ASB4: variants seen among roughly 807,000 people sequenced by gnomAD.
The protein encoded by ASB4 is ankyrin repeat and SOCS box protein 4.
In ASB4, 35 loss-of-function variants were observed where a neutral mutation model predicts 38.6. The observed-to-expected ratio is 0.91, with a 90% CI of 0.69 to 1.20. The LOEUF (loss-of-function observed/expected upper bound fraction) is 1.20, where lower values mean the gene tolerates loss of function less well. Among genes scored for constraint, ASB4 ranks in the 50% most tolerant of loss-of-function variants. ASB4 has a pLI of 0.00. For synonymous variants in ASB4, 195 were observed against 201.3 expected, an observed-to-expected ratio of 0.97 and a Z score of 0.26; for missense variants, 557 against 527.2, an observed-to-expected ratio of 1.06 and a Z score of -0.55.
intron 2 of ASB4, among the ~76,000 whole-genome samples, 185 bp from the exon 3 acceptor site, chr7:95,527,628 C>A (rs1457987440): frequency 6.6e-6 from 1 of 152,132 alleles, no homozygotes; most frequent in Non-Finnish European, 1.5e-5. Flanking sequence ...GGCACTGTTG[C>A]TTCAAGGGAA....
At chr7:95,509,829 T>G (rs1261582648) in intron 2 of ASB4, among the ~76,000 whole-genome samples, 1 of 152,172 alleles carries the variant, frequency 6.6e-6, no homozygotes, top group Admixed American at 6.5e-5. Context: ...CACATTATTC[T>G]CCTTATTTAA....
At chr7:95,486,946 G>A (rs1170931777) in intron 1 of ASB4, among the ~76,000 whole-genome samples, 1 of 152,178 alleles carries the variant, frequency 6.6e-6, no homozygotes, top group Non-Finnish European at 1.5e-5. Context: ...GGGGGAACGT[G>A]AGTAGTTAGA....
chr7:95,510,008 T>C (rs1379395591), intron 2 of ASB4, among the ~76,000 whole-genome samples: 1 of 152,086 alleles, frequency 6.6e-6, no homozygotes, highest in Non-Finnish European at 1.5e-5. Flanking sequence ...ATTAAAAAAT[T>C]AGGAGAAAAG....
downstream of ASB4, among the ~76,000 whole-genome samples, chr7:95,544,874 T>C (rs539361774): frequency 1.3e-5 from 2 of 152,050 alleles, no homozygotes; most frequent in East Asian, 1.9e-4. Flanking sequence ...TTTCTATTTT[T>C]TGATAGACAG....
chr7:95,498,491 A>C (rs1002506551), intron 2 of ASB4, among the ~76,000 whole-genome samples: 4 of 152,104 alleles, frequency 2.6e-5, no homozygotes, highest in Non-Finnish European at 5.9e-5. Context: ...TCTGTATATT[A>C]TTTACTTTGG....
At chr7:95,483,182 G>A (rs76557686), upstream of ASB4, among the ~76,000 whole-genome samples, 698 of 152,270 alleles carry the variant, frequency 4.6e-3, 4 homozygotes, top group African/African-American at 0.016. Flanking sequence ...AGGGTCCAGA[G>A]GACAATGAGT....
chr7:95,515,242 TCTTTCTTTCC>T (rs1790552981), intron 2 of ASB4, among the ~76,000 whole-genome samples: 3 of 145,300 alleles, frequency 2.1e-5, no homozygotes, highest in East Asian at 2.0e-4. Flanking sequence ...TTTCTTTCTT[TCTTTCTTTCC>T]TTCTTTCTTT....
chr7:95,542,058 C>A (rs1030535851), downstream of ASB4: 2 of 150,952 alleles, frequency 1.3e-5, no homozygotes, highest in African/African-American at 4.9e-5. Context: ...CAGAGTGAGA[C>A]CTTGACTGTA....
intron 2 of ASB4, among the ~76,000 whole-genome samples, chr7:95,503,241 C>T (rs750675982): frequency 2.0e-5 from 3 of 152,020 alleles, no homozygotes; most frequent in African/African-American, 4.8e-5. Context: ...AATAAGAAAA[C>T]AAACCTGTGA....
At chr7:95,518,923 A>G (rs955334006) in intron 2 of ASB4, among the ~76,000 whole-genome samples, 2 of 152,212 alleles carry the variant, frequency 1.3e-5, no homozygotes, top group African/African-American at 4.8e-5. Flanking sequence ...GGAGTTAGTA[A>G]GATTATAGAT....
rs954842496 is a variant in ASB4 at position 95,512,770 on chromosome 7, C to G, written c.488-15043C>G. Among the ~76,000 whole-genome samples the G allele has an allele frequency of 2.0e-5, 3 of 152,024 alleles. No individual in the cohort carries two copies. The South Asian group carries it at 6.3e-4, about 32-fold the overall frequency. On this transcript the variant is annotated intron_variant, in intron 2 of 4. Coordinates refer to ENST00000325885, the MANE Select transcript of ASB4 (RefSeq NM_016116.3). ...GAAGGGGAACTCACATTTGGTGCAG[C>G]AAGAACTCCATTTAGCCCTGTGTAC...
intron 2 of ASB4, among the ~76,000 whole-genome samples, chr7:95,515,172 TCTTTCTTTCTTTCTTTCTTTC>T (rs1562816906): frequency 2.2e-5 from 1 of 46,164 alleles, no homozygotes; most frequent in African/African-American, 9.3e-5. Context: ...TCTTTCTCTT[TCTTTCTTTCTTTCTTTCTTTC>T]TTTCTTTCTT....
chr7:95,526,133 A>G (rs1790733040), intron 2 of ASB4, among the ~76,000 whole-genome samples: 1 of 152,244 alleles, frequency 6.6e-6, no homozygotes, highest in South Asian at 2.1e-4. Flanking sequence ...CAGAAAAGTA[A>G]TATGAGGTGG....
chr7:95,528,427 T>G, intron 3 of ASB4, 124 bp downstream of exon 3: 1 of 1,524,530 alleles, frequency 6.6e-7, no homozygotes, highest in South Asian at 1.3e-5. Context: ...TGATCCTCTT[T>G]GACCTTCCAT....
At chr7:95,501,455 C>T (rs946148370) in intron 2 of ASB4, among the ~76,000 whole-genome samples, 10 of 152,210 alleles carry the variant, frequency 6.6e-5, no homozygotes, top group Admixed American at 6.5e-4. Flanking sequence ...GCCTGCTGGA[C>T]AGACGCTGCT....
At chr7:95,520,447 T>C (rs562089935) in intron 2 of ASB4, among the ~76,000 whole-genome samples, 2 of 152,212 alleles carry the variant, frequency 1.3e-5, no homozygotes, top group Admixed American at 6.5e-5. Context: ...TCAGATCTCA[T>C]AGAAGGCTTG....
chr7:95,509,690 C>T (rs73711335), intron 2 of ASB4, among the ~76,000 whole-genome samples: 2,546 of 151,948 alleles, frequency 0.017, 65 homozygotes, highest in African/African-American at 0.058. Context: ...TTGATGTTGC[C>T]GGTATACATG....
intron 3 of ASB4, among the ~76,000 whole-genome samples, chr7:95,535,581 C>G (rs1189847010): frequency 6.6e-6 from 1 of 152,030 alleles, no homozygotes; most frequent in African/African-American, 2.4e-5. Flanking sequence ...CTGGCCACAC[C>G]AAAAGTTGGT....
At position 95,538,176 on chromosome 7, in the gene ASB4, T is replaced by C. The variant is rs1790922372; in HGVS notation, c.*417T>C. 6.4e-6 allele frequency: 1 copy of C among 155,418 alleles called. No homozygotes were observed. Among genetic ancestry groups the C allele is most frequent in the African/African-American group, 2.4e-5 (1 of 41,576 alleles). The allele number at this position is 155,418 out of a possible 1,614,324, so 9.6% of individuals were successfully genotyped here. ...ATAGCAGGCTTTGCAATTGGCCTCTTAAACTTGGTGTTTTCCCCCATTACC... is the reference window on the plus strand; with the variant it reads ...ATAGCAGGCTTTGCAATTGGCCTCTCAAACTTGGTGTTTTCCCCCATTACC... On this transcript the variant is annotated 3_prime_UTR_variant, in exon 5 of 5. Transcript: ENST00000325885.
Sources: gnomAD v4.1 joint callset for allele counts (sites outside exome capture counted in the v4.1 genomes callset) on GRCh38, gnomAD v4.1.1 for gene constraint, MANE v1.5 for transcripts, NCBI Gene and HGNC (gene_info 2026-07-23, HGNC 2026-07-21) for gene names.